The following UBE3A variants were observed in gnomAD, a reference collection of about 807,000 sequenced individuals.
The protein encoded by UBE3A is ubiquitin-protein ligase E3A.
UBE3A carries 6 observed loss-of-function variants against 83.4 expected under a neutral mutation model. The observed-to-expected ratio is 0.07, with a 90% CI of 0.04 to 0.14. The LOEUF is 0.14. Ranked by LOEUF, UBE3A falls within the 10% of genes least tolerant of loss-of-function variation. The probability of loss-of-function intolerance (pLI) is 1.00; values close to 1 mark genes in which losing one functional copy is unlikely to be tolerated. For missense variants in UBE3A, 456 were observed against 1,036.1 expected (o/e 0.44, Z 7.69); for synonymous variants, 337 against 355.4 (o/e 0.95, Z 0.58).
chr15:25,423,458 G>A (rs905730161), intron 1 of UBE3A, among the ~76,000 whole-genome samples: 24 of 152,156 alleles, frequency 1.6e-4, no homozygotes, highest in South Asian at 2.1e-4. Flanking sequence ...AAAAATAACA[G>A]GTACCATCAT....
chr15:25,374,176 T>C (rs553771595), intron 5 of UBE3A: 6 of 152,186 alleles, frequency 3.9e-5, no homozygotes, highest in African/African-American at 1.4e-4. Flanking sequence ...ACAGTAACAG[T>C]AGCATATTAG....
intron 11 of UBE3A, among the ~76,000 whole-genome samples, chr15:25,351,382 C>T (rs1280933281): frequency 1.3e-5 from 2 of 152,152 alleles, no homozygotes; most frequent in East Asian, 3.9e-4. Flanking sequence ...ATAAAAATTA[C>T]TAGAAAAGAC....
chr15:25,381,586 A>G (rs2082176107), intron 4 of UBE3A, among the ~76,000 whole-genome samples: 1 of 151,708 alleles, frequency 6.6e-6, no homozygotes, highest in Non-Finnish European at 1.5e-5. Context: ...TGAGGAATCT[A>G]AAAAACAGAT....
At chr15:25,362,635 A>C (rs774323668) in intron 6 of UBE3A, among the ~76,000 whole-genome samples, 6 of 152,194 alleles carry the variant, frequency 3.9e-5, no homozygotes, top group Non-Finnish European at 8.8e-5. Flanking sequence ...ATGTGAAAAT[A>C]ACCTTGGGGA....
At chr15:25,375,856 C>A in intron 4 of UBE3A, 93 bp from the exon 5 acceptor site, 1 of 1,426,138 alleles carries the variant, frequency 7.0e-7, no homozygotes, top group African/African-American at 1.4e-5. Flanking sequence ...TAGTCAAGCA[C>A]TGAAGTGATT....
chr15:25,360,100 T>G (rs2077822606), intron 7 of UBE3A, among the ~76,000 whole-genome samples: 1 of 152,184 alleles, frequency 6.6e-6, no homozygotes, highest in South Asian at 2.1e-4. Flanking sequence ...TCCCTCCAAC[T>G]GTTCCAATAT....
chr15:25,339,099 TCCTTC>T lies in UBE3A; in HGVS notation c.*33_*37del. Reference sequence around the variant, plus strand: ...ATTTTTTAAATTTTTTCTTTTTTTTTCCTTCCTTTTTTTTGTTTTATTTTGTTTTG... The same window carrying T: ...ATTTTTTAAATTTTTTCTTTTTTTTTCTTTTTTTTGTTTTATTTTGTTTTG... On this transcript the variant is annotated 3_prime_UTR_variant, in exon 13 of 13. Coordinates refer to ENST00000648336, the MANE Select transcript of UBE3A (RefSeq NM_130839.5). 6.7e-7 allele frequency: 1 copy of T among 1,490,648 alleles called. No individual in the cohort carries two copies. Among genetic ancestry groups the T allele is most frequent in the Non-Finnish European group, 8.9e-7 (1 of 1,124,996 alleles). The allele number at this position is 1,490,648 out of a possible 1,614,324, so 92.3% of individuals were successfully genotyped here.
At chr15:25,347,267 A>G (rs565495866) in intron 11 of UBE3A, 1 of 152,332 alleles carries the variant, frequency 6.6e-6, no homozygotes, top group East Asian at 1.9e-4. Context: ...AAACAATACT[A>G]TTTAAAAGTG....
intron 11 of UBE3A, among the ~76,000 whole-genome samples, chr15:25,340,745 C>G (rs193199826): frequency 1.3e-5 from 2 of 152,290 alleles, no homozygotes; most frequent in East Asian, 1.9e-4. Context: ...CCCCAACCAA[C>G]TGGCCCCAAA....
intron 1 of UBE3A, among the ~76,000 whole-genome samples, chr15:25,430,698 A>G (rs1178309543): frequency 2.6e-5 from 4 of 152,172 alleles, no homozygotes; most frequent in Non-Finnish European, 5.9e-5. Flanking sequence ...CAAGTGCCTA[A>G]AACTGTACAT....
intron 1 of UBE3A, among the ~76,000 whole-genome samples, chr15:25,435,441 G>A (rs902573478): frequency 2.0e-5 from 3 of 152,152 alleles, no homozygotes; most frequent in Non-Finnish European, 2.9e-5. Context: ...TGGTCTGAAT[G>A]TGTCCCCCAA....
Position 25,437,859 on chromosome 15 carries a change from A to G in UBE3A, c.-165+630T>C, listed in dbSNP as rs77631699. Among the ~76,000 whole-genome samples the G allele has an allele frequency of 0.033, 4,750 of 146,154 alleles. 114 individuals carry two copies. The highest frequency in any genetic ancestry group is 0.051 in the Middle Eastern group (14 of 276). ...ATTTTCTACACTGAAAAGGGGGGGGAAAAAAGGCCAACTGCTTGCATACAG... is the reference window on the plus strand; with the variant it reads ...ATTTTCTACACTGAAAAGGGGGGGGGAAAAAGGCCAACTGCTTGCATACAG... On this transcript the variant is annotated intron_variant, in intron 1 of 12. Coordinates refer to ENST00000648336, the MANE Select transcript of UBE3A (RefSeq NM_130839.5).
chr15:25,435,585 A>G (rs574672296), intron 1 of UBE3A, among the ~76,000 whole-genome samples: 1 of 152,312 alleles, frequency 6.6e-6, no homozygotes, highest in East Asian at 1.9e-4. Context: ...CTTCTACTAC[A>G]TGAGGTAATG....
chr15:25,375,980 T>C (rs183009241), intron 4 of UBE3A, among the ~76,000 whole-genome samples: 1 of 152,236 alleles, frequency 6.6e-6, no homozygotes, highest in East Asian at 1.9e-4. Flanking sequence ...AGAATGTCAA[T>C]GCTTACTGAC....
Position 25,339,934 on chromosome 15 carries a change from G to A in UBE3A, c.2498+151C>T, listed in dbSNP as rs1025248595. The A allele has an allele frequency of 2.8e-6, 3 of 1,070,246 alleles. No individual in the cohort carries two copies. In the South Asian group the frequency reaches 4.4e-5, roughly 16 times the overall value. The allele number at this position is 1,070,246 out of a possible 1,614,324, so 66.3% of individuals were successfully genotyped here. A position where few individuals can be genotyped will look rare whatever the true frequency, so the allele number is the denominator to read the frequency against. On this transcript the variant is annotated intron_variant, in intron 12 of 12. Transcript: ENST00000648336. The stretch of plus-strand genomic sequence containing the variant: ...TTAAAAGTTTCCTCACACAATGACA[G>A]CAAAGTATTTTCTCAATTGTCTAAT...
intron 4 of UBE3A, among the ~76,000 whole-genome samples, chr15:25,400,552 T>C (rs930234846): frequency 2.0e-5 from 3 of 152,218 alleles, no homozygotes; most frequent in Non-Finnish European, 4.4e-5. Flanking sequence ...AGCCACTGCA[T>C]GTTTTGTTTT....
At chr15:25,412,018 G>A (rs1035356597) in intron 1 of UBE3A, 47 bp from the exon 2 acceptor site, 5 of 151,940 alleles carry the variant, frequency 3.3e-5, no homozygotes, top group Admixed American at 6.6e-5. Flanking sequence ...TAAACAACTG[G>A]ATGAACTTTC....
intron 11 of UBE3A, among the ~76,000 whole-genome samples, chr15:25,342,738 G>C (rs1284526524): frequency 6.6e-6 from 1 of 152,144 alleles, no homozygotes; most frequent in Non-Finnish European, 1.5e-5. Flanking sequence ...GGGTCCAGCA[G>C]GAGCTACATC....
At chr15:25,360,086 G>T (rs1385825442) in intron 7 of UBE3A, among the ~76,000 whole-genome samples, 3 of 152,092 alleles carry the variant, frequency 2.0e-5, no homozygotes, top group Non-Finnish European at 4.4e-5. Context: ...AAAAAGCAAA[G>T]AAATCCCTCC....
Sources: gnomAD v4.1 joint callset for allele counts (sites outside exome capture counted in the v4.1 genomes callset) on GRCh38, gnomAD v4.1.1 for gene constraint, MANE v1.5 for transcripts, NCBI Gene and HGNC (gene_info 2026-07-23, HGNC 2026-07-21) for gene names.